CACNA2D3: variants seen among roughly 807,000 people sequenced by gnomAD.
The protein encoded by CACNA2D3 is voltage-dependent calcium channel subunit alpha-2/delta-3.
Under a neutral mutation model 160.6 loss-of-function variants are expected in CACNA2D3, and 60 were observed. The ratio of observed to expected loss-of-function variants is 0.37; its 90% CI spans 0.30 to 0.46. The LOEUF (loss-of-function observed/expected upper bound fraction) is 0.46, where lower values mean the gene tolerates loss of function less well. Among genes scored for constraint, CACNA2D3 ranks in the 20% least tolerant of loss-of-function variants. The pLI is 1.00. For missense variants in CACNA2D3, 1,205 were observed against 1,365.0 expected, an observed-to-expected ratio of 0.88 and a Z score of 1.85; for synonymous variants, 558 against 492.9, an observed-to-expected ratio of 1.13 and a Z score of -1.75.
At chr3:54,602,520 A>G (rs1354859091) in intron 9 of CACNA2D3, among the ~76,000 whole-genome samples, 6 of 150,214 alleles carry the variant, frequency 4.0e-5, no homozygotes, top group African/African-American at 9.7e-5. Context: ...AAAAAAAAAA[A>G]AGGGAAAAAA....
At chr3:54,512,514 G>A (rs1701475988) in intron 5 of CACNA2D3, among the ~76,000 whole-genome samples, 1 of 152,216 alleles carries the variant, frequency 6.6e-6, no homozygotes, top group Non-Finnish European at 1.5e-5. Context: ...GAGCCAGGTA[G>A]CCTTCCTTTT....
intron 3 of CACNA2D3, among the ~76,000 whole-genome samples, chr3:54,384,094 A>G (rs1699150639): frequency 6.6e-6 from 1 of 151,988 alleles, no homozygotes; most frequent in Admixed American, 6.6e-5. Flanking sequence ...TTGGTCCTAC[A>G]TGACTTTATT....
chr3:54,837,121 G>T, intron 14 of CACNA2D3, 38 bp from the exon 15 acceptor site: 1 of 1,598,962 alleles, frequency 6.3e-7, no homozygotes, highest in South Asian at 1.1e-5. Context: ...GTGGTTTCCA[G>T]ACCGTTCCCC....
intron 4 of CACNA2D3, among the ~76,000 whole-genome samples, chr3:54,390,521 G>A (rs1699261366): frequency 6.6e-6 from 1 of 152,216 alleles, no homozygotes. Flanking sequence ...CTGAACATAA[G>A]AGTAGATGTT....
chr3:54,500,449 A>G (rs556658523), intron 4 of CACNA2D3, among the ~76,000 whole-genome samples: 11 of 149,080 alleles, frequency 7.4e-5, no homozygotes, highest in African/African-American at 2.7e-4. Context: ...ACAGTTTTCT[A>G]TTCACTACCC....
intron 4 of CACNA2D3, among the ~76,000 whole-genome samples, chr3:54,465,751 T>C (rs1412347678): frequency 6.6e-6 from 1 of 152,230 alleles, no homozygotes; most frequent in East Asian, 1.9e-4. Context: ...TACTTTTCTA[T>C]TGTTGCATAA....
intron 2 of CACNA2D3, among the ~76,000 whole-genome samples, chr3:54,312,060 G>A (rs1206800278): frequency 6.6e-6 from 1 of 152,212 alleles, no homozygotes; most frequent in African/African-American, 2.4e-5. Flanking sequence ...TACTATCCCA[G>A]TGTCAGGGTT....
chr3:54,467,800 T>A (rs1235224413), intron 4 of CACNA2D3, among the ~76,000 whole-genome samples: 1 of 152,184 alleles, frequency 6.6e-6, no homozygotes, highest in Non-Finnish European at 1.5e-5. Context: ...AATGCTTGTG[T>A]TCCATTGCAT....
rs192070180 is a variant in CACNA2D3, at chr3:54,497,105, A to T, written c.382-6387A>T. Among the ~76,000 whole-genome samples the T allele has an allele frequency of 9.7e-4, 147 of 152,084 alleles. 2 individuals carry two copies. Among genetic ancestry groups the T allele is most frequent in the Admixed American group, 9.3e-3 (142 of 15,272 alleles). On this transcript the variant is annotated intron_variant, in intron 4 of 37. Transcript: ENST00000474759. Reference sequence around the variant, plus strand: ...TTGAAAATTGAGGTCTCTTTTACTTATATGTAAAATTTTAAATCAGCTTTT... The same window carrying T: ...TTGAAAATTGAGGTCTCTTTTACTTTTATGTAAAATTTTAAATCAGCTTTT...
intron 11 of CACNA2D3, among the ~76,000 whole-genome samples, chr3:54,722,975 C>T (rs1229098270): frequency 1.3e-5 from 2 of 152,236 alleles, no homozygotes; most frequent in Admixed American, 6.5e-5. Flanking sequence ...ACACTAAAGT[C>T]TGCTGAAGCT....
intron 11 of CACNA2D3, among the ~76,000 whole-genome samples, chr3:54,729,988 G>C (rs1701355343): frequency 8.5e-6 from 1 of 117,388 alleles, no homozygotes; most frequent in Non-Finnish European, 1.7e-5. Flanking sequence ...AACAGAGCAA[G>C]ACTCCATCTC....
At position 54,401,398 on chromosome 3, in the gene CACNA2D3, C is replaced by G. The variant is rs948432668; in HGVS notation, c.381+14624C>G. ...TTTGGACATCCAGATCTGTGAAACT[C>G]AAAAGTCCCCAAACAAGTTCAACCC... On this transcript the variant is annotated intron_variant, in intron 4 of 37. Coordinates refer to ENST00000474759, the MANE Select transcript of CACNA2D3 (RefSeq NM_018398.3). Among the ~76,000 whole-genome samples the G allele has an allele frequency of 3.3e-5, 5 of 152,244 alleles. No homozygotes were observed. In the South Asian group the frequency reaches 6.2e-4, roughly 19 times the overall value.
At chr3:54,635,890 G>A (rs575482882) in intron 10 of CACNA2D3, among the ~76,000 whole-genome samples, 22 of 152,032 alleles carry the variant, frequency 1.4e-4, no homozygotes, top group Non-Finnish European at 2.2e-4. Context: ...GAAATGACTG[G>A]TGGCCTTCTC....
At chr3:54,282,371 G>A (rs1183535648) in intron 2 of CACNA2D3, among the ~76,000 whole-genome samples, 3 of 152,146 alleles carry the variant, frequency 2.0e-5, no homozygotes, top group Non-Finnish European at 4.4e-5. Context: ...AAGTTGACAT[G>A]CTAAGAGGCC....
intron 9 of CACNA2D3, among the ~76,000 whole-genome samples, chr3:54,604,577 T>C (rs1476027281): frequency 6.6e-6 from 1 of 152,176 alleles, no homozygotes; most frequent in Non-Finnish European, 1.5e-5. Flanking sequence ...TTGTTTCTTC[T>C]TCCTGGAACC....
chr3:54,954,954 C>T (rs184461081), intron 27 of CACNA2D3, among the ~76,000 whole-genome samples: 4 of 152,286 alleles, frequency 2.6e-5, no homozygotes, highest in Admixed American at 2.6e-4. Flanking sequence ...ACTCATCTAG[C>T]TTTTATTGAA....
intron 9 of CACNA2D3, among the ~76,000 whole-genome samples, chr3:54,617,054 A>T (rs1698868365): frequency 6.6e-6 from 1 of 152,152 alleles, no homozygotes; most frequent in Middle Eastern, 3.2e-3. Flanking sequence ...ATATTGTGAT[A>T]TCCCTGGGAA....
At chr3:54,834,669 T>C (rs1386084294) in intron 14 of CACNA2D3, among the ~76,000 whole-genome samples, 2 of 152,234 alleles carry the variant, frequency 1.3e-5, no homozygotes, top group Non-Finnish European at 2.9e-5. Context: ...TAATCACTTA[T>C]ATGATTACCA....
At chr3:54,504,870 G>A (rs1465829142) in intron 5 of CACNA2D3, among the ~76,000 whole-genome samples, 2 of 152,224 alleles carry the variant, frequency 1.3e-5, no homozygotes, top group African/African-American at 4.8e-5. Context: ...GGGTTAGTGA[G>A]AGGATATGAA....
Sources: gnomAD v4.1 joint callset for allele counts (sites outside exome capture counted in the v4.1 genomes callset) on GRCh38, gnomAD v4.1.1 for gene constraint, MANE v1.5 for transcripts, NCBI Gene and HGNC (gene_info 2026-07-23, HGNC 2026-07-21) for gene names.